Variants in RBMS3 observed in about 807,000 individuals in gnomAD.
RBMS3 encodes RNA binding motif single stranded interacting protein 3.
RBMS3 carries 27 observed loss-of-function variants against 66.8 expected under a neutral mutation model. The ratio of observed to expected loss-of-function variants is 0.40; its 90% CI spans 0.30 to 0.56. RBMS3 has a LOEUF of 0.56. Among genes scored for constraint, RBMS3 ranks in the 20% least tolerant of loss-of-function variants. RBMS3 has a pLI of 0.40. For missense variants in RBMS3, 513 were observed against 549.5 expected, an observed-to-expected ratio of 0.93 and a Z score of 0.66; for synonymous variants, 188 against 183.0, an observed-to-expected ratio of 1.03 and a Z score of -0.22.
intron 3 of RBMS3, among the ~76,000 whole-genome samples, chr3:29,510,637 A>T (rs2044360618): frequency 6.6e-6 from 1 of 152,116 alleles, no homozygotes; most frequent in African/African-American, 2.4e-5. Context: ...TCAAAACCCA[A>T]AATGCTCCAA....
At position 29,884,227 on chromosome 3, in the gene RBMS3, C is replaced by T. The variant is rs774894120; in HGVS notation, c.791+19C>T. 28 of 1,594,986 alleles carry T rather than the reference C, an allele frequency of 1.8e-5. No individual in the cohort carries two copies. The highest frequency in any genetic ancestry group is 2.3e-5 in the Non-Finnish European group (27 of 1,164,662). On this transcript the variant is annotated intron_variant, in intron 8 of 14. Coordinates refer to ENST00000383767, the MANE Select transcript of RBMS3 (RefSeq NM_001003793.3). Reference sequence around the variant, plus strand: ...AGAATGGGTAAGTAGATCACATTTTCTCTATTTTAATTGTGAATAGATCTT... The same window carrying T: ...AGAATGGGTAAGTAGATCACATTTTTTCTATTTTAATTGTGAATAGATCTT...
In RBMS3 at chr3:29,428,013, C is replaced by T. The variant is rs535855288; in HGVS notation, c.76-6730C>T. 1.4e-4 allele frequency among the ~76,000 whole-genome samples: 22 copies of T among 152,306 alleles called. No homozygotes were observed. The South Asian group carries it at 2.3e-3, about 16-fold the overall frequency. On this transcript the variant is annotated intron_variant, in intron 1 of 14. Transcript: ENST00000383767. ...CTGCAAATGAAATGTGGCATACTGA[C>T]ATCTTGGTTACAGATGGTGGAACTG...
At chr3:29,377,995 T>G (rs1426205612) in intron 1 of RBMS3, among the ~76,000 whole-genome samples, 4 of 152,172 alleles carry the variant, frequency 2.6e-5, no homozygotes, top group Non-Finnish European at 5.9e-5. Context: ...CACCTTAATA[T>G]ATAACAGCCC....
intron 3 of RBMS3, among the ~76,000 whole-genome samples, chr3:29,573,741 A>G (rs1164379241): frequency 2.6e-5 from 4 of 152,020 alleles, no homozygotes; most frequent in African/African-American, 9.7e-5. Context: ...TCTGTATTCC[A>G]TAGGTTTTGA....
intron 4 of RBMS3, among the ~76,000 whole-genome samples, chr3:29,688,409 T>G (rs2051828108): frequency 6.6e-6 from 1 of 152,040 alleles, no homozygotes; most frequent in African/African-American, 2.4e-5. Flanking sequence ...ATCCACAAAC[T>G]ATAATCCTTC....
intron 12 of RBMS3, among the ~76,000 whole-genome samples, chr3:29,969,955 T>A (rs1697118168): frequency 6.6e-6 from 1 of 152,238 alleles, no homozygotes; most frequent in Non-Finnish European, 1.5e-5. Flanking sequence ...TCTTGTTTTA[T>A]AAATATCCTT....
intron 14 of RBMS3, among the ~76,000 whole-genome samples, chr3:29,995,993 ACCCAT>A (rs1177538815): frequency 6.6e-6 from 1 of 152,186 alleles, no homozygotes; most frequent in Non-Finnish European, 1.5e-5. Context: ...AAGAGTCAAG[ACCCAT>A]CAGTGTGCTG....
At chr3:29,998,126 C>A (rs1182171315) in intron 14 of RBMS3, among the ~76,000 whole-genome samples, 1 of 152,116 alleles carries the variant, frequency 6.6e-6, no homozygotes, top group East Asian at 1.9e-4. Context: ...ACACCAATAA[C>A]AGACAAACAG....
At chr3:29,456,349 C>A (rs2042190098) in intron 2 of RBMS3, among the ~76,000 whole-genome samples, 1 of 152,036 alleles carries the variant, frequency 6.6e-6, no homozygotes, top group African/African-American at 2.4e-5. Flanking sequence ...AAGTTAATAC[C>A]ATATTATACT....
At chr3:29,545,363 TAACTAGAATAAAAA>T (rs1460454095) in intron 3 of RBMS3, among the ~76,000 whole-genome samples, 20 of 152,112 alleles carry the variant, frequency 1.3e-4, no homozygotes, top group Non-Finnish European at 2.6e-4. Flanking sequence ...ATTGCTTTTA[TAACTAGAATAAAAA>T]AACAGCAAAG....
intron 4 of RBMS3, among the ~76,000 whole-genome samples, chr3:29,618,479 C>T (rs535756557): frequency 7.9e-5 from 12 of 151,948 alleles, no homozygotes; most frequent in Non-Finnish European, 1.3e-4. Flanking sequence ...GTACTACAGC[C>T]TTGGCAACAG....
In RBMS3 at chr3:29,897,468, C is replaced by T. The variant is rs2060149417; in HGVS notation, c.881C>T (p.Thr294Ile). The T allele has an allele frequency of 1.2e-6, 2 of 1,610,286 alleles. No homozygotes were observed. The highest frequency in any genetic ancestry group is 1.7e-6 in the Non-Finnish European group (2 of 1,177,286). The change falls in exon 9 of 15, where the codon ACA becomes ATA. Residue 294 changes from threonine (T) to isoleucine (I), a missense_variant. Coordinates refer to ENST00000383767, the MANE Select transcript of RBMS3 (RefSeq NM_001003793.3). ...TTCATTGCTGCTTCCCCTGTCTCCA[C>T]ATACCAGGTATGTCCAATTTACCTG... ...TPFIAASPVS[T>I]YQVQSTSWMP...
intron 1 of RBMS3, among the ~76,000 whole-genome samples, chr3:29,359,978 T>G (rs2125578281): frequency 6.6e-6 from 1 of 152,282 alleles, no homozygotes; most frequent in East Asian, 1.9e-4. Flanking sequence ...TCAATTTTGT[T>G]GATCTTTTCA....
chr3:29,384,449 AG>A (rs2038917233), intron 1 of RBMS3, among the ~76,000 whole-genome samples: 1 of 151,898 alleles, frequency 6.6e-6, no homozygotes, highest in Non-Finnish European at 1.5e-5. Flanking sequence ...AAGAAGAAGA[AG>A]AAGAAGAAGA....
intron 6 of RBMS3, among the ~76,000 whole-genome samples, chr3:29,849,130 G>A (rs1002230391): frequency 6.7e-6 from 1 of 150,208 alleles, no homozygotes; most frequent in African/African-American, 2.5e-5. Context: ...ACATACTTAT[G>A]CACATACAAA....
intron 1 of RBMS3, among the ~76,000 whole-genome samples, chr3:29,392,174 C>T (rs1020882122): frequency 7.2e-5 from 11 of 152,174 alleles, no homozygotes; most frequent in South Asian, 2.1e-4. Context: ...CACTTGAACC[C>T]GGGAGGTGGA....
intron 1 of RBMS3, among the ~76,000 whole-genome samples, chr3:29,329,620 T>G (rs1030728339): frequency 4.6e-5 from 7 of 151,926 alleles, no homozygotes; most frequent in Non-Finnish European, 1.0e-4. Context: ...TACAGAATAT[T>G]AACTAGACAG....
At chr3:29,373,976 A>T (rs2038339173) in intron 1 of RBMS3, among the ~76,000 whole-genome samples, 1 of 152,200 alleles carries the variant, frequency 6.6e-6, no homozygotes, top group Non-Finnish European at 1.5e-5. Context: ...TCAGCATTAG[A>T]GCATTAGACA....
At chr3:29,825,592 G>T (rs2058191529) in intron 6 of RBMS3, among the ~76,000 whole-genome samples, 2 of 152,128 alleles carry the variant, frequency 1.3e-5, no homozygotes, top group Admixed American at 6.6e-5. Flanking sequence ...CTGCCGCCAT[G>T]TAAGACATGA....
Sources: gnomAD v4.1 joint callset for allele counts (sites outside exome capture counted in the v4.1 genomes callset) on GRCh38, gnomAD v4.1.1 for gene constraint, MANE v1.5 for transcripts, NCBI Gene and HGNC (gene_info 2026-07-23, HGNC 2026-07-21) for gene names.